Variants in SLC38A2 observed in about 807,000 individuals in gnomAD.
The protein encoded by SLC38A2 is sodium-coupled neutral amino acid symporter 2.
SLC38A2 carries 11 observed loss-of-function variants against 61.5 expected under a neutral mutation model. That is an observed-to-expected ratio of 0.18 (90% CI 0.11 to 0.30). SLC38A2 has a LOEUF of 0.30. Among genes scored for constraint, SLC38A2 ranks in the 10% least tolerant of loss-of-function variants. The pLI is 1.00. For synonymous variants in SLC38A2, 217 were observed against 212.5 expected (o/e 1.02, Z -0.18); for missense variants, 522 against 600.4 (o/e 0.87, Z 1.36).
Position 46,372,726 on chromosome 12 carries a change from C to G in SLC38A2, c.-304G>C, listed in dbSNP as rs1943220450. The G allele has an allele frequency of 5.0e-6, 2 of 398,464 alleles. No individual in the cohort carries two copies. The highest frequency in any genetic ancestry group is 4.4e-6 in the Non-Finnish European group (1 of 225,934). 24.7% of individuals were successfully genotyped at this position (398,464 alleles called of 1,614,324 possible). ...GCGGTAACGCGTGGTCGGGCTGCTG[C>G]TAGCAGTACTGGAAAGGCGTTCTAA... On this transcript the variant is annotated 5_prime_UTR_variant, in exon 1 of 16. Coordinates refer to ENST00000256689, the MANE Select transcript of SLC38A2 (RefSeq NM_018976.5).
chr12:46,367,017 A>G (rs1943145755), intron 6 of SLC38A2, 59 bp downstream of exon 6: 2 of 1,603,774 alleles, frequency 1.2e-6, no homozygotes, highest in Non-Finnish European at 1.7e-6. Context: ...ATGTGTCACC[A>G]TTCTGTGCTC....
intron 1 of SLC38A2, 58 bp downstream of exon 1, chr12:46,372,451 C>A: frequency 2.7e-6 from 1 of 373,124 alleles, no homozygotes. Flanking sequence ...GGAAGCCCCT[C>A]CCCCACTCTC....
Position 46,365,182 on chromosome 12 carries a change from A to C in SLC38A2, c.571T>G (p.Tyr191Asp). Reference sequence around the variant, plus strand: ...AGAACCAAATAGTTCCCGTTCAGATACCACAATCTAAAGAAAACAGAAACA... The same window carrying C: ...AGAACCAAATAGTTCCCGTTCAGATCCCACAATCTAAAGAAAACAGAAACA... ...TNIEDKTGLW[Y>D]LNGNYLVLLV... Residue 191 changes from tyrosine (Y) to aspartate (D), a missense_variant, in exon 8 of 16, where the codon TAT becomes GAT. By Grantham distance (160) the Tyr-to-Asp change is radical (BLOSUM62 -3). Around this residue, in one of 3 missense-constraint regions of SLC38A2, gnomAD observed 111 missense variants for 173.4 expected, o/e 0.64. Coordinates refer to ENST00000256689, the MANE Select transcript of SLC38A2 (RefSeq NM_018976.5). 6.2e-7 allele frequency: 1 copy of C among 1,613,190 alleles called. No individual in the cohort carries two copies. The highest frequency in any genetic ancestry group is 8.5e-7 in the Non-Finnish European group (1 of 1,179,300).
intron 15 of SLC38A2, 128 bp downstream of exon 15, chr12:46,362,156 T>C: frequency 1.4e-6 from 1 of 737,730 alleles, no homozygotes; most frequent in Non-Finnish European, 2.1e-6. Context: ...AGTATACCAT[T>C]ACAGAAATGT....
chr12:46,364,115 T>C lies in SLC38A2; in HGVS notation c.874-112A>G. On this transcript the variant is annotated intron_variant, in intron 10 of 15. Transcript: ENST00000256689. ...CTTAGAATCAAAGCCTAAGTTTCCT[T>C]TGTGTAATTAGCTTCCATTCTTCTA... 3 of 975,986 alleles carry C rather than the reference T, an allele frequency of 3.1e-6. No homozygotes were observed. The South Asian group carries it at 5.4e-5, about 18-fold the overall frequency. The allele number at this position is 975,986 out of a possible 1,614,324, so 60.5% of individuals were successfully genotyped here. A position where few individuals can be genotyped will look rare whatever the true frequency, so the allele number is the denominator to read the frequency against.
At chr12:46,371,413 G>A in intron 1 of SLC38A2, 34 bp from the exon 2 acceptor site, 10 of 721,728 alleles carry the variant, frequency 1.4e-5, no homozygotes, top group Admixed American at 2.9e-5. Flanking sequence ...CAGGACCGCA[G>A]CGCCAGCCCG....
chr12:46,363,199 T>C, intron 12 of SLC38A2, 54 bp from the exon 13 acceptor site: 2 of 1,588,044 alleles, frequency 1.3e-6, no homozygotes, highest in East Asian at 2.3e-5. Flanking sequence ...GGACACCAAG[T>C]AGAAAATTTA....
chr12:46,371,043 C>G, intron 2 of SLC38A2, 135 bp downstream of exon 2: 1 of 875,854 alleles, frequency 1.1e-6, no homozygotes, highest in Non-Finnish European at 1.9e-6. Context: ...ACAAGATAAT[C>G]GGATACTCTT....
chr12:46,363,824 C>T lies in SLC38A2; in HGVS notation c.956G>A (p.Arg319His), dbSNP rs745773445. 30 of 1,589,116 alleles carry T rather than the reference C, an allele frequency of 1.9e-5. No individual in the cohort carries two copies. Among genetic ancestry groups the T allele is most frequent in the African/African-American group, 2.7e-5 (2 of 73,198 alleles). ...CACATTCATCATTCTTCTACGGCTG[C>T]GGCTATGTAATTCAAGAGAAAATTC... ...VLPIYEELKD[R>H]SRRRMMNVSK... The change falls in exon 12 of 16, where the codon CGC (arginine) becomes CAC (histidine). Residue 319 changes from arginine to histidine, a missense_variant and splice_region_variant. Around this residue, in one of 3 missense-constraint regions of SLC38A2, gnomAD observed 309 missense variants for 343.9 expected, o/e 0.90. Transcript: ENST00000256689.
At chr12:46,363,204 A>G in intron 12 of SLC38A2, 59 bp from the exon 13 acceptor site, 1 of 1,579,738 alleles carries the variant, frequency 6.3e-7, no homozygotes, top group South Asian at 1.1e-5. Flanking sequence ...CCAAGTAGAA[A>G]ATTTAACAGC....
chr12:46,371,485 T>A, intron 1 of SLC38A2, 106 bp from the exon 2 acceptor site: 2 of 557,394 alleles, frequency 3.6e-6, no homozygotes, highest in South Asian at 2.2e-5. Context: ...GCCAGGCGAG[T>A]GGAAAAGTAC....
chr12:46,360,989 C>G lies in SLC38A2; in HGVS notation c.*122G>C. 1.4e-6 allele frequency: 1 copy of G among 707,404 alleles called. No homozygotes were observed. 43.8% of individuals were successfully genotyped at this position (707,404 alleles called of 1,614,324 possible). A position where few individuals can be genotyped will look rare whatever the true frequency, so the allele number is the denominator to read the frequency against. ...TTCACTTATTCTGCACTCAGAAGAA[C>G]CAGCGAGGAATCTGCACTTCAAAAG... On this transcript the variant is annotated 3_prime_UTR_variant, in exon 16 of 16. Coordinates refer to ENST00000256689, the MANE Select transcript of SLC38A2 (RefSeq NM_018976.5).
In SLC38A2 at chr12:46,370,829, G is replaced by C. The variant is rs1241559992; in HGVS notation, c.145C>G (p.Gln49Glu). The C allele has an allele frequency of 6.2e-7, 1 of 1,612,178 alleles. No individual in the cohort carries two copies. The highest frequency in any genetic ancestry group is 2.2e-5 in the East Asian group (1 of 44,842). Residue 49 changes from glutamine (Q) to glutamate (E), a missense_variant, in exon 3 of 16, where the codon CAG (glutamine) becomes GAG (glutamate). Physicochemically the swap from Gln to Glu is conservative, Grantham distance 29. Transcript: ENST00000256689. ...SHYADVDPEN[Q>E]NFLLESNLGK... ...AAATTCGATTCAAGTAAAAAGTTCT[G>C]GTTTTCAGGATCTACATCTGCATAA...
At chr12:46,366,807 T>A (rs1380800747) in intron 7 of SLC38A2, 57 bp downstream of exon 7, 3 of 1,437,426 alleles carry the variant, frequency 2.1e-6, no homozygotes, top group Non-Finnish European at 2.9e-6. Context: ...GATAAAAATG[T>A]ATCTAACCAC....
chr12:46,371,020 T>A (rs1943190876), intron 2 of SLC38A2, 158 bp downstream of exon 2: 1 of 830,588 alleles, frequency 1.2e-6, no homozygotes, highest in Admixed American at 2.4e-5. Context: ...ACACCAGCTA[T>A]CTTGTCATTA....
At chr12:46,371,416 C>T in intron 1 of SLC38A2, 37 bp from the exon 2 acceptor site, 1 of 715,146 alleles carries the variant, frequency 1.4e-6, no homozygotes, top group Non-Finnish European at 2.3e-6. Context: ...GACCGCAGCG[C>T]CAGCCCGCCG....
In SLC38A2 at chr12:46,367,203, T is replaced by C. The variant is rs1943147825; in HGVS notation, c.389-35A>G. ...GAAGACAGAAGCATGAAGCCAAGGA[T>C]TTTAAAAGAGAAATAAAATGATAGG... is the stretch of plus-strand genomic sequence containing the variant. On this transcript the variant is annotated intron_variant, in intron 5 of 15. Coordinates refer to ENST00000256689, the MANE Select transcript of SLC38A2 (RefSeq NM_018976.5). The C allele has an allele frequency of 1.9e-6, 3 of 1,596,814 alleles. No homozygotes were observed. The East Asian group carries it at 6.7e-5, about 36-fold the overall frequency.
intron 4 of SLC38A2, among the ~76,000 whole-genome samples, chr12:46,367,621 G>A (rs1943152603): frequency 6.6e-6 from 1 of 152,212 alleles, no homozygotes; most frequent in South Asian, 2.1e-4. Context: ...ACACTGGAAA[G>A]CTCAACTTCC....
chr12:46,359,991 A>G lies in SLC38A2; in HGVS notation c.*1120T>C, dbSNP rs1565825939. The G allele has an allele frequency of 6.5e-6, 1 of 152,672 alleles. No homozygotes were observed. The highest frequency in any genetic ancestry group is 2.4e-5 in the African/African-American group (1 of 41,464). 9.5% of individuals were successfully genotyped at this position (152,672 alleles called of 1,614,324 possible). A position where few individuals can be genotyped will look rare whatever the true frequency, so the allele number is the denominator to read the frequency against. On this transcript the variant is annotated 3_prime_UTR_variant, in exon 16 of 16. Coordinates refer to ENST00000256689, the MANE Select transcript of SLC38A2 (RefSeq NM_018976.5). ...CCTCTACTGTAGACAAAACATGAACACAACTAAGCCATACATTGTCAAGTA... is the reference window on the plus strand; with the variant it reads ...CCTCTACTGTAGACAAAACATGAACGCAACTAAGCCATACATTGTCAAGTA...
Sources: allele counts gnomAD v4.1 joint callset (sites outside exome capture counted in the v4.1 genomes callset), GRCh38; gene constraint gnomAD v4.1.1; regional missense constraint gnomAD v4.1.1; transcripts MANE v1.5; gene names NCBI Gene and HGNC (gene_info 2026-07-23, HGNC 2026-07-21).